The following MAF variants were observed in gnomAD, a reference collection of about 807,000 sequenced individuals.
MAF encodes transcription factor Maf.
In MAF, 10 loss-of-function variants were observed where a neutral mutation model predicts 22.0. The ratio of observed to expected loss-of-function variants is 0.45; its 90% CI spans 0.28 to 0.77. MAF has a LOEUF of 0.77. Ranked by LOEUF, MAF falls within the 30% of genes least tolerant of loss-of-function variation. MAF has a pLI of 0.12. For missense variants in MAF, 544 were observed against 548.4 expected, an observed-to-expected ratio of 0.99 and a Z score of 0.08; for synonymous variants, 337 against 255.8, an observed-to-expected ratio of 1.32 and a Z score of -3.03.
chr16:79,588,934 A>C (rs1913025149), downstream of MAF, among the ~76,000 whole-genome samples: 1 of 152,216 alleles, frequency 6.6e-6, no homozygotes, highest in Non-Finnish European at 1.5e-5. Flanking sequence ...AAATCTTAGA[A>C]AGATTACCGA....
chr16:79,280,057 GC>G, the MAF span, among the ~76,000 whole-genome samples: 2 of 152,170 alleles, frequency 1.3e-5, no homozygotes, highest in African/African-American at 4.8e-5. Flanking sequence ...ATGATGTGAG[GC>G]CACAGCAGGT....
At chr16:79,231,780 G>A in the MAF span, among the ~76,000 whole-genome samples, 10,683 of 152,082 alleles carry the variant, frequency 0.07, 565 homozygotes, top group Middle Eastern at 0.15. Flanking sequence ...ATTTAAGCAC[G>A]TTACATTTAC....
chr16:79,599,394 G>T lies in MAF; in HGVS notation c.509C>A (p.Ala170Glu). Residue 170 changes from alanine to glutamate, a missense_variant, in exon 1 of 2, where the codon GCG (alanine) becomes GAG (glutamate). Ala to Glu is a moderately radical substitution (Grantham distance 107). Transcript: ENST00000326043. ...GCCCGCGCCGCTCTGCGCGGCGGCC[G>T]CGGCGATCACGGCGGACACCACGGC... is the stretch of plus-strand genomic sequence containing the variant. ...AAAVVSAVIA[A>E]AAAQSGAGPH... The T allele has an allele frequency of 9.5e-7, 1 of 1,057,518 alleles. No homozygotes were observed. Among genetic ancestry groups the T allele is most frequent in the Non-Finnish European group, 1.1e-6 (1 of 878,342 alleles). 65.5% of individuals were successfully genotyped at this position (1,057,518 alleles called of 1,614,324 possible).
At chr16:79,276,802 A>G in the MAF span, among the ~76,000 whole-genome samples, 4 of 152,224 alleles carry the variant, frequency 2.6e-5, no homozygotes, top group South Asian at 8.3e-4. Context: ...AACAACAGAA[A>G]TTCATTCTCC....
At chr16:79,231,960 A>G in the MAF span, among the ~76,000 whole-genome samples, 1 of 152,000 alleles carries the variant, frequency 6.6e-6, no homozygotes, top group Non-Finnish European at 1.5e-5. Context: ...AGACTCTCAT[A>G]AGGAGCACAC....
chr16:79,219,611 C>A, the MAF span, among the ~76,000 whole-genome samples: 1 of 148,814 alleles, frequency 6.7e-6, no homozygotes, highest in African/African-American at 2.5e-5. Flanking sequence ...TTACTGTCCC[C>A]TTTTCACCAA....
the MAF span, among the ~76,000 whole-genome samples, chr16:79,504,692 T>C: frequency 1.3e-5 from 2 of 152,138 alleles, no homozygotes; most frequent in South Asian, 4.2e-4. Context: ...GGATGACGGA[T>C]AGATGGATGG....
At chr16:79,407,623 G>A in the MAF span, among the ~76,000 whole-genome samples, 1 of 152,100 alleles carries the variant, frequency 6.6e-6, no homozygotes, top group Non-Finnish European at 1.5e-5. Flanking sequence ...CCTGTGTTAG[G>A]AAGTCCCCCT....
At chr16:79,407,274 G>T in the MAF span, among the ~76,000 whole-genome samples, 2 of 152,146 alleles carry the variant, frequency 1.3e-5, no homozygotes, top group Non-Finnish European at 2.9e-5. Flanking sequence ...CGGGGGACAG[G>T]GGCCTCTTGG....
At chr16:79,294,999 C>T in the MAF span, among the ~76,000 whole-genome samples, 2 of 152,052 alleles carry the variant, frequency 1.3e-5, no homozygotes, top group East Asian at 3.9e-4. Context: ...AGTCTACTTC[C>T]CCCTAGAGCA....
chr16:79,418,456 A>G, the MAF span, among the ~76,000 whole-genome samples: 1,270 of 152,262 alleles, frequency 8.3e-3, 17 homozygotes, highest in African/African-American at 0.029. Context: ...TTAGCAAACC[A>G]CAAAATTTCC....
chr16:79,227,209 G>A, the MAF span, among the ~76,000 whole-genome samples: 1 of 151,944 alleles, frequency 6.6e-6, no homozygotes, highest in Non-Finnish European at 1.5e-5. Context: ...AAATTATCCA[G>A]GCATGGCGGC....
At chr16:79,231,722 G>T in the MAF span, among the ~76,000 whole-genome samples, 1 of 152,126 alleles carries the variant, frequency 6.6e-6, no homozygotes, top group African/African-American at 2.4e-5. Flanking sequence ...TTTCACGGAA[G>T]ACAGTTTTTC....
the MAF span, among the ~76,000 whole-genome samples, chr16:79,292,765 C>T: frequency 6.3e-4 from 96 of 152,228 alleles, no homozygotes; most frequent in Middle Eastern, 0.01. Context: ...AGAAGCCATC[C>T]AAAACCCACC....
the MAF span, among the ~76,000 whole-genome samples, chr16:79,392,313 G>C: frequency 6.7e-6 from 1 of 149,012 alleles, no homozygotes; most frequent in African/African-American, 2.5e-5. Flanking sequence ...AGGAAGGAGA[G>C]AGAGGGAGGA....
At chr16:79,464,545 G>A in the MAF span, among the ~76,000 whole-genome samples, 5 of 152,114 alleles carry the variant, frequency 3.3e-5, no homozygotes, top group Admixed American at 2.0e-4. Flanking sequence ...AGAATTTTTC[G>A]AAATGCTGTA....
chr16:79,501,820 T>C, the MAF span, among the ~76,000 whole-genome samples: 1 of 152,210 alleles, frequency 6.6e-6, no homozygotes, highest in Non-Finnish European at 1.5e-5. Flanking sequence ...AAAACTTCCA[T>C]TATATTTGAT....
At chr16:79,437,556 C>A in the MAF span, among the ~76,000 whole-genome samples, 1 of 152,142 alleles carries the variant, frequency 6.6e-6, no homozygotes, top group East Asian at 1.9e-4. Flanking sequence ...CCAGCCACTG[C>A]ACATTCCACC....
At chr16:79,473,835 A>G in the MAF span, among the ~76,000 whole-genome samples, 1 of 152,192 alleles carries the variant, frequency 6.6e-6, no homozygotes, top group Non-Finnish European at 1.5e-5. Flanking sequence ...TGAGTTTTAA[A>G]TTTAAAAAAA....
Sources: allele counts gnomAD v4.1 joint callset (sites outside exome capture counted in the v4.1 genomes callset), GRCh38; gene constraint gnomAD v4.1.1; transcripts MANE v1.5; gene names NCBI Gene and HGNC (gene_info 2026-07-23, HGNC 2026-07-21).